The following PEPD variants were observed in gnomAD, a reference collection of about 807,000 sequenced individuals.
PEPD encodes peptidase D, also known as xaa-Pro dipeptidase.
PEPD carries 53 observed loss-of-function variants against 60.7 expected under a neutral mutation model. The ratio of observed to expected loss-of-function variants is 0.87; its 90% CI spans 0.70 to 1.10. The LOEUF is 1.10. Ranked by LOEUF, PEPD falls within the 50% of genes least tolerant of loss-of-function variation. The probability of loss-of-function intolerance (pLI) is 0.00; values close to 1 mark genes in which losing one functional copy is unlikely to be tolerated. For synonymous variants in PEPD, 267 were observed against 284.1 expected (o/e 0.94, Z 0.60); for missense variants, 711 against 711.9 (o/e 1.00, Z 0.01).
intron 4 of PEPD, among the ~76,000 whole-genome samples, chr19:33,500,429 CA>C (rs1970685623): frequency 6.6e-6 from 1 of 152,218 alleles, no homozygotes; most frequent in Admixed American, 6.5e-5. Flanking sequence ...CCCAAGAGGA[CA>C]GCCACATGCC....
intron 11 of PEPD, among the ~76,000 whole-genome samples, chr19:33,404,042 G>T (rs2050679910): frequency 6.6e-6 from 1 of 152,212 alleles, no homozygotes; most frequent in Admixed American, 6.5e-5. Flanking sequence ...CACGGGTCCA[G>T]GAAAGCCCTG....
At chr19:33,454,365 G>C (rs1969756458) in intron 9 of PEPD, among the ~76,000 whole-genome samples, 1 of 152,200 alleles carries the variant, frequency 6.6e-6, no homozygotes, top group African/African-American at 2.4e-5. Flanking sequence ...ACTTTGGGAG[G>C]CTGAGGTGGG....
intron 9 of PEPD, among the ~76,000 whole-genome samples, chr19:33,437,913 G>A (rs1205824937): frequency 1.3e-5 from 2 of 152,186 alleles, no homozygotes; most frequent in Non-Finnish European, 2.9e-5. Flanking sequence ...AATAACACAT[G>A]GAGTCTGACA....
intron 12 of PEPD, among the ~76,000 whole-genome samples, chr19:33,398,532 AG>A (rs1267786157): frequency 3.3e-5 from 5 of 152,244 alleles, no homozygotes; most frequent in African/African-American, 9.6e-5. Flanking sequence ...TGGAGGGTAC[AG>A]GAGCTGGGCT....
At chr19:33,495,087 G>A (rs1166346100) in intron 4 of PEPD, among the ~76,000 whole-genome samples, 3 of 151,670 alleles carry the variant, frequency 2.0e-5, no homozygotes, top group African/African-American at 7.3e-5. Flanking sequence ...AGTGAGCCAA[G>A]ACTGCGCCAC....
At chr19:33,518,172 T>C (rs1971059316) in intron 1 of PEPD, among the ~76,000 whole-genome samples, 1 of 152,118 alleles carries the variant, frequency 6.6e-6, no homozygotes, top group Non-Finnish European at 1.5e-5. Flanking sequence ...TCGAGGCAAC[T>C]GGCCAGCAAC....
At chr19:33,402,517 G>C (rs1968521631) in intron 11 of PEPD, among the ~76,000 whole-genome samples, 1 of 152,202 alleles carries the variant, frequency 6.6e-6, no homozygotes, top group Admixed American at 6.5e-5. Context: ...TAGCTGGAGG[G>C]GTGTGCCCGA....
At chr19:33,445,882 C>A (rs1969584997) in intron 9 of PEPD, among the ~76,000 whole-genome samples, 1 of 152,168 alleles carries the variant, frequency 6.6e-6, no homozygotes, top group Non-Finnish European at 1.5e-5. Context: ...TTCCCCCAAG[C>A]CAGCTCTGGC....
chr19:33,440,595 G>A (rs185278429), intron 9 of PEPD, among the ~76,000 whole-genome samples: 127 of 152,072 alleles, frequency 8.4e-4, no homozygotes, highest in African/African-American at 2.9e-3. Context: ...TCAGTCCCTC[G>A]CCCACTTTGG....
intron 9 of PEPD, among the ~76,000 whole-genome samples, chr19:33,424,688 C>G (rs1354533069): frequency 2.0e-5 from 3 of 152,092 alleles, no homozygotes; most frequent in African/African-American, 7.2e-5. Flanking sequence ...CATTTTCAAG[C>G]TGCTGATGAA....
intron 9 of PEPD, among the ~76,000 whole-genome samples, chr19:33,444,165 GTA>G (rs1424964729): frequency 6.6e-6 from 1 of 152,134 alleles, no homozygotes; most frequent in African/African-American, 2.4e-5. Flanking sequence ...CACACACGCT[GTA>G]TGTCCTCTGG....
intron 6 of PEPD, among the ~76,000 whole-genome samples, chr19:33,484,362 G>A (rs1439599254): frequency 1.3e-5 from 2 of 152,166 alleles, no homozygotes; most frequent in Non-Finnish European, 2.9e-5. Flanking sequence ...CTCAACGTAC[G>A]TACGCATACA....
chr19:33,422,648 C>T (rs1043551103), intron 9 of PEPD, among the ~76,000 whole-genome samples: 5 of 150,658 alleles, frequency 3.3e-5, no homozygotes, highest in South Asian at 2.1e-4. Context: ...CTACCTCCTA[C>T]GTACCTATCA....
intron 7 of PEPD, among the ~76,000 whole-genome samples, chr19:33,471,775 C>T (rs1352551019): frequency 6.6e-6 from 1 of 152,146 alleles, no homozygotes; most frequent in African/African-American, 2.4e-5. Context: ...CTTGGGAGGC[C>T]AAGGCTAGAG....
rs1211336056 is a variant in PEPD, at chr19:33,387,170, TA to T, written c.*173del. 1.4e-6 allele frequency: 1 copy of T among 696,224 alleles called. No homozygotes were observed. Among genetic ancestry groups the T allele is most frequent in the Non-Finnish European group, 2.4e-6 (1 of 414,544 alleles). The allele number at this position is 696,224 out of a possible 1,614,324, so 43.1% of individuals were successfully genotyped here. On this transcript the variant is annotated 3_prime_UTR_variant, in exon 15 of 15. Coordinates refer to ENST00000244137, the MANE Select transcript of PEPD (RefSeq NM_000285.4). ...AGGTGGGAGCCTGCAAAAGGGTAAT[TA>T]AAAAAGTGTTTCCTCCCCGGGAAAC...
At chr19:33,491,130 A>C (rs1488693339) in intron 5 of PEPD, among the ~76,000 whole-genome samples, 1 of 152,208 alleles carries the variant, frequency 6.6e-6, no homozygotes, top group Non-Finnish European at 1.5e-5. Context: ...CAAGTGCTAA[A>C]GGAAATAACT....
rs534633138 is a variant in PEPD, at chr19:33,443,788, A to G, written c.671+19207T>C. 3.2e-4 allele frequency among the ~76,000 whole-genome samples: 48 copies of G among 152,256 alleles called. 1 individual carries two copies. Among genetic ancestry groups the G allele is most frequent in the Admixed American group, 1.2e-3 (18 of 15,304 alleles). ...ATGGGTGTACCATACGCACATGCGCATGCACACAAGCACACAGTGTGTCCT... is the reference window on the plus strand; with the variant it reads ...ATGGGTGTACCATACGCACATGCGCGTGCACACAAGCACACAGTGTGTCCT... On this transcript the variant is annotated intron_variant, in intron 9 of 14. Transcript: ENST00000244137.
At chr19:33,488,131 G>C (rs1404333237) in intron 6 of PEPD, among the ~76,000 whole-genome samples, 1 of 152,112 alleles carries the variant, frequency 6.6e-6, no homozygotes, top group Non-Finnish European at 1.5e-5. Context: ...CCGCTGAGAA[G>C]GCCCTCGACT....
chr19:33,447,945 C>T (rs1455277879), intron 9 of PEPD, among the ~76,000 whole-genome samples: 2 of 152,202 alleles, frequency 1.3e-5, no homozygotes, highest in Non-Finnish European at 2.9e-5. Flanking sequence ...GAACACAGAG[C>T]CTGCTGTCGG....
Sources: gnomAD v4.1 joint callset for allele counts (sites outside exome capture counted in the v4.1 genomes callset) on GRCh38, gnomAD v4.1.1 for gene constraint, MANE v1.5 for transcripts, NCBI Gene and HGNC (gene_info 2026-07-23, HGNC 2026-07-21) for gene names.